The following WIPF1 variants were observed in gnomAD, a reference collection of about 807,000 sequenced individuals.
The protein encoded by WIPF1 is WAS/WASL-interacting protein family member 1.
Under a neutral mutation model 35.4 loss-of-function variants are expected in WIPF1, and 13 were observed. That is an observed-to-expected ratio of 0.37 (90% CI 0.24 to 0.58). The LOEUF (loss-of-function observed/expected upper bound fraction) is 0.58. WIPF1 is among the 20% of genes least tolerant of loss of function. The pLI is 0.74. For missense variants in WIPF1, 591 were observed against 667.0 expected (o/e 0.89, Z 1.25); for synonymous variants, 267 against 266.3 (o/e 1.00, Z -0.02).
chr2:174,659,185 C>G (rs1687706400), intron 1 of WIPF1, among the ~76,000 whole-genome samples: 2 of 152,138 alleles, frequency 1.3e-5, no homozygotes, highest in African/African-American at 4.8e-5. Flanking sequence ...CCAGGCTGGT[C>G]TTGAATTCCT....
intron 1 of WIPF1, among the ~76,000 whole-genome samples, chr2:174,649,670 G>GTGTGC (rs1386322116): frequency 2.0e-5 from 3 of 152,094 alleles, no homozygotes; most frequent in Non-Finnish European, 4.4e-5. Context: ...GCCCTATGTG[G>GTGTGC]TGTGCTGTGC....
chr2:174,569,231 T>TA (rs1200940923), intron 5 of WIPF1, among the ~76,000 whole-genome samples: 1 of 152,218 alleles, frequency 6.6e-6, no homozygotes, highest in African/African-American at 2.4e-5. Flanking sequence ...CCACTGCAGA[T>TA]ATCCCTGACA....
Position 174,576,241 on chromosome 2 carries a change from A to AC in WIPF1, c.182-862_182-861insG, listed in dbSNP as rs1286538491. Among the ~76,000 whole-genome samples the AC allele has an allele frequency of 2.1e-3, 320 of 151,754 alleles. 3 individuals are homozygous for AC. Among genetic ancestry groups the AC allele is most frequent in the African/African-American group, 7.5e-3 (308 of 41,240 alleles). On this transcript the variant is annotated intron_variant, in intron 3 of 7. Coordinates refer to ENST00000679041, the MANE Select transcript of WIPF1 (RefSeq NM_001375834.1). The stretch of plus-strand genomic sequence containing the variant: ...CCACTGCACTCCAGCAAAAAAAAAA[A>AC]AAAAAAAACACTAAGCAAATATCCA...
chr2:174,615,491 AT>A (rs1156805277), intron 1 of WIPF1, among the ~76,000 whole-genome samples: 3 of 152,216 alleles, frequency 2.0e-5, no homozygotes, highest in Non-Finnish European at 4.4e-5. Flanking sequence ...AAATATTACT[AT>A]TTTTATGACA....
At chr2:174,629,264 A>G (rs1256364125) in intron 1 of WIPF1, among the ~76,000 whole-genome samples, 1 of 152,222 alleles carries the variant, frequency 6.6e-6, no homozygotes, top group East Asian at 1.9e-4. Context: ...TTCCTGATTC[A>G]TCAGGATCTT....
chr2:174,574,347 C>T (rs1389494951), intron 4 of WIPF1, among the ~76,000 whole-genome samples: 1 of 152,062 alleles, frequency 6.6e-6, no homozygotes, highest in Non-Finnish European at 1.5e-5. Flanking sequence ...CAAGATAGAA[C>T]CTCTCATGTG....
At chr2:174,581,197 C>T in intron 3 of WIPF1, 113 bp downstream of exon 3, 1 of 1,447,882 alleles carries the variant, frequency 6.9e-7, no homozygotes, top group Non-Finnish European at 9.3e-7. Flanking sequence ...GCTAGCTTTG[C>T]AGCTGTTGTT....
chr2:174,598,773 AG>A (rs1685903213), upstream of WIPF1, among the ~76,000 whole-genome samples: 1 of 152,232 alleles, frequency 6.6e-6, no homozygotes, highest in African/African-American at 2.4e-5. Flanking sequence ...GCTTGACAAA[AG>A]CATAGAGATA....
intron 1 of WIPF1, chr2:174,629,990 TC>T (rs1686970118): frequency 6.6e-6 from 1 of 152,174 alleles, no homozygotes; most frequent in Admixed American, 6.5e-5. Context: ...ATGCATAACT[TC>T]CTAGTCTGAA....
chr2:174,601,475 A>T (rs371790270), upstream of WIPF1, among the ~76,000 whole-genome samples: 9 of 152,198 alleles, frequency 5.9e-5, no homozygotes, highest in African/African-American at 2.2e-4. Flanking sequence ...AAACAAATAG[A>T]ACAATCAGAA....
intron 1 of WIPF1, among the ~76,000 whole-genome samples, chr2:174,632,635 G>T (rs1187004020): frequency 7.3e-6 from 1 of 136,234 alleles, no homozygotes. Flanking sequence ...CTTGAACTCA[G>T]AAGGCAGGGG....
chr2:174,584,206 TAGAAAC>T (rs961064613), intron 2 of WIPF1, among the ~76,000 whole-genome samples: 10 of 152,166 alleles, frequency 6.6e-5, no homozygotes, highest in African/African-American at 2.4e-4. Context: ...CATCCAATCT[TAGAAAC>T]AGAAAACTAC....
rs768361726 is a variant in WIPF1, at chr2:174,581,317, T to G, written c.174A>C (p.Ile58=). 6.2e-7 allele frequency: 1 copy of G among 1,614,072 alleles called. No individual in the cohort carries two copies. The highest frequency in any genetic ancestry group is 8.5e-7 in the Non-Finnish European group (1 of 1,179,950). Residue 58 remains isoleucine, a synonymous_variant, in exon 3 of 8, where the codon ATA becomes ATC. Transcript: ENST00000679041. ...TAGCCTTTTTTTACTTACTGTCCAG[T>G]ATTGGTGCACTTCTGTCATTGGTGA... The part of the protein sequence containing the change: ...KTVTNDRSAP[I]LDKPKGAGAG...
chr2:174,563,939 C>T (rs1042575202), intron 7 of WIPF1, among the ~76,000 whole-genome samples: 24 of 152,212 alleles, frequency 1.6e-4, no homozygotes, highest in Non-Finnish European at 2.4e-4. Flanking sequence ...CTCTCACCAT[C>T]CCAACCAAAT....
chr2:174,611,284 C>T (rs1327980290), intron 1 of WIPF1, among the ~76,000 whole-genome samples: 1 of 152,082 alleles, frequency 6.6e-6, no homozygotes, highest in Non-Finnish European at 1.5e-5. Flanking sequence ...CAGCACTAAT[C>T]CAGGCAAACT....
chr2:174,615,312 A>G (rs1292009045), intron 1 of WIPF1, among the ~76,000 whole-genome samples: 1 of 152,248 alleles, frequency 6.6e-6, no homozygotes, highest in Non-Finnish European at 1.5e-5. Flanking sequence ...CATTAAAAAA[A>G]TACAGTCAGA....
At position 174,576,727 on chromosome 2, in the gene WIPF1, A is replaced by G. The variant is rs143425613; in HGVS notation, c.182-1347T>C. On this transcript the variant is annotated intron_variant, in intron 3 of 7. Coordinates refer to ENST00000679041, the MANE Select transcript of WIPF1 (RefSeq NM_001375834.1). ...TGTCTTTGAGCCACAGTATCTTATC[A>G]CTCTGAAAGGCATAGAAAACTGATA... Among the ~76,000 whole-genome samples the G allele has an allele frequency of 7.6e-3, 1,154 of 152,292 alleles. 10 individuals are homozygous for G. Among genetic ancestry groups the G allele is most frequent in the African/African-American group, 0.025 (1,026 of 41,552 alleles).
intron 1 of WIPF1, among the ~76,000 whole-genome samples, chr2:174,623,898 G>T (rs1686749217): frequency 6.6e-6 from 1 of 152,160 alleles, no homozygotes; most frequent in African/African-American, 2.4e-5. Flanking sequence ...CTGTGTTAAA[G>T]GATGCAGTCT....
chr2:174,680,417 G>A (rs1688222851), intron 1 of WIPF1, among the ~76,000 whole-genome samples: 1 of 152,346 alleles, frequency 6.6e-6, no homozygotes, highest in Admixed American at 6.5e-5. Flanking sequence ...AGAGCTTTGT[G>A]TGGAAACCAT....
Sources: allele counts gnomAD v4.1 joint callset (sites outside exome capture counted in the v4.1 genomes callset), GRCh38; gene constraint gnomAD v4.1.1; transcripts MANE v1.5; gene names NCBI Gene and HGNC (gene_info 2026-07-23, HGNC 2026-07-21).